Variants in WWOX observed in about 807,000 individuals in gnomAD.
WWOX encodes the protein WW domain-containing oxidoreductase.
A neutral mutation model predicts 46.2 loss-of-function variants in WWOX; 69 were observed. The ratio of observed to expected loss-of-function variants is 1.49; its 90% CI spans 1.23 to 1.82. The LOEUF is 1.82. WWOX is among the 40% of genes most tolerant of loss of function. The pLI is 0.00. For synonymous variants in WWOX, 359 were observed against 202.6 expected (o/e 1.77, Z -6.56); for missense variants, 919 against 542.6 (o/e 1.69, Z -6.89).
chr16:78,608,879 G>T (rs1188577643), intron 8 of WWOX, among the ~76,000 whole-genome samples: 1 of 152,056 alleles, frequency 6.6e-6, no homozygotes, highest in African/African-American at 2.4e-5. Context: ...TCCAAATCTG[G>T]GCACATGAAT....
rs546740620 is a variant in WWOX at position 78,795,352 on chromosome 16, T to G, written c.1056+362600T>G. On this transcript the variant is annotated intron_variant, in intron 8 of 8. Coordinates refer to ENST00000566780, the MANE Select transcript of WWOX (RefSeq NM_016373.4). The stretch of plus-strand genomic sequence containing the variant: ...TCCAACCCCCTGAAAGCTGACTCTT[T>G]AACACCATATGCTTCTGTCTTCCTG... Among the ~76,000 whole-genome samples the G allele has an allele frequency of 2.6e-5, 4 of 152,308 alleles. No homozygotes were observed. The South Asian group carries it at 8.3e-4, about 32-fold the overall frequency.
intron 8 of WWOX, among the ~76,000 whole-genome samples, chr16:78,445,163 G>C (rs1198697272): frequency 6.6e-6 from 1 of 152,126 alleles, no homozygotes; most frequent in East Asian, 1.9e-4. Flanking sequence ...GGTATAAGCT[G>C]TCCTAGAGTC....
chr16:78,514,759 T>A (rs2738742), intron 8 of WWOX, among the ~76,000 whole-genome samples: 138,519 of 152,264 alleles, frequency 0.91, 63,301 homozygotes, highest in Admixed American at 0.96. Context: ...ACACAGGCAT[T>A]GAAAATAGAT....
At chr16:78,863,606 A>C (rs2043940057) in intron 8 of WWOX, among the ~76,000 whole-genome samples, 1 of 152,090 alleles carries the variant, frequency 6.6e-6, no homozygotes, top group Admixed American at 6.6e-5. Context: ...TCCCAACCAT[A>C]AGCTGTATTC....
At chr16:78,847,384 A>G (rs2052326901) in intron 8 of WWOX, among the ~76,000 whole-genome samples, 2 of 152,208 alleles carry the variant, frequency 1.3e-5, no homozygotes, top group Non-Finnish European at 2.9e-5. Flanking sequence ...TTATTTGTTC[A>G]TATATTTATA....
intron 8 of WWOX, among the ~76,000 whole-genome samples, chr16:79,193,692 A>T (rs1336008145): frequency 6.6e-6 from 1 of 152,190 alleles, no homozygotes; most frequent in East Asian, 1.9e-4. Context: ...CCCAGGTGAG[A>T]TCCCACTGGT....
At chr16:78,422,014 C>A (rs2082945427) in intron 6 of WWOX, among the ~76,000 whole-genome samples, 1 of 152,030 alleles carries the variant, frequency 6.6e-6, no homozygotes, top group African/African-American at 2.4e-5. Context: ...AATAAATATG[C>A]TAATTTGATA....
chr16:78,911,564 C>T (rs1167439926), intron 8 of WWOX, among the ~76,000 whole-genome samples: 1 of 151,966 alleles, frequency 6.6e-6, no homozygotes, highest in Non-Finnish European at 1.5e-5. Context: ...TCCCCAGTGG[C>T]AATGTTGTAA....
intron 8 of WWOX, among the ~76,000 whole-genome samples, chr16:79,030,614 T>G (rs1477423878): frequency 1.3e-5 from 2 of 152,372 alleles, no homozygotes; most frequent in African/African-American, 4.8e-5. Context: ...CTCCAAAGAT[T>G]AGACACCCTT....
intron 5 of WWOX, among the ~76,000 whole-genome samples, chr16:78,370,852 T>G (rs1046888139): frequency 6.6e-6 from 1 of 151,672 alleles, no homozygotes; most frequent in Non-Finnish European, 1.5e-5. Flanking sequence ...TCTTGTTTGT[T>G]TTTGTTTTCT....
chr16:78,849,535 C>G (rs1196370655), intron 8 of WWOX, among the ~76,000 whole-genome samples: 1 of 139,154 alleles, frequency 7.2e-6, no homozygotes, highest in East Asian at 2.1e-4. Flanking sequence ...GATCGTGACA[C>G]TGCACTCCGG....
chr16:78,523,658 A>G (rs1043736079), intron 8 of WWOX, among the ~76,000 whole-genome samples: 20 of 152,336 alleles, frequency 1.3e-4, no homozygotes, highest in African/African-American at 4.1e-4. Flanking sequence ...AATGTGGTAC[A>G]GTGTGTGCTT....
intron 8 of WWOX, among the ~76,000 whole-genome samples, chr16:79,123,525 G>C (rs181754917): frequency 6.6e-6 from 1 of 152,172 alleles, no homozygotes; most frequent in African/African-American, 2.4e-5. Context: ...TAACAGTTCT[G>C]TGCCTGAGTA....
intron 8 of WWOX, among the ~76,000 whole-genome samples, chr16:79,181,388 G>A (rs1275712253): frequency 2.6e-5 from 4 of 152,016 alleles, no homozygotes; most frequent in South Asian, 2.1e-4. Context: ...TGTTGTTTTA[G>A]CCCTTATGAA....
Position 78,914,799 on chromosome 16 carries a change from A to C in WWOX, c.1057-296809A>C, listed in dbSNP as rs567224679. On this transcript the variant is annotated intron_variant, in intron 8 of 8. Transcript: ENST00000566780. ...GAGGCTGAGGCAGGAGAATGGCGTGAACCCAGGAGGCGGAGCTTGCAGTGA... is the reference window on the plus strand; with the variant it reads ...GAGGCTGAGGCAGGAGAATGGCGTGCACCCAGGAGGCGGAGCTTGCAGTGA... 6.9e-3 allele frequency among the ~76,000 whole-genome samples: 1,036 copies of C among 151,038 alleles called. 7 individuals carry two copies. The highest frequency in any genetic ancestry group is 0.024 in the African/African-American group (983 of 41,070).
intron 8 of WWOX, among the ~76,000 whole-genome samples, chr16:78,443,371 A>G (rs992675817): frequency 3.3e-5 from 5 of 152,152 alleles, no homozygotes; most frequent in East Asian, 1.9e-4. Context: ...AGATTACACA[A>G]TGCTCATCAG....
At chr16:79,200,487 A>C (rs953696110) in intron 8 of WWOX, among the ~76,000 whole-genome samples, 1 of 152,118 alleles carries the variant, frequency 6.6e-6, no homozygotes, top group Admixed American at 6.6e-5. Context: ...GCCGTGAGTT[A>C]CTTCACCTCC....
chr16:78,343,104 C>G lies in WWOX; in HGVS notation c.517-43756C>G, dbSNP rs1481826500. Among the ~76,000 whole-genome samples, 7 of 120,780 alleles carry G rather than the reference C, an allele frequency of 5.8e-5. 2 individuals are homozygous for G. The highest frequency in any genetic ancestry group is 1.2e-4 in the Non-Finnish European group (6 of 50,528). The allele number at this position is 120,780 out of a possible 152,430, so 79.2% of individuals were successfully genotyped here. A position where few individuals can be genotyped will look rare whatever the true frequency, so the allele number is the denominator to read the frequency against. On this transcript the variant is annotated intron_variant, in intron 5 of 8. Transcript: ENST00000566780. ...TGTTGGCTTGTTTTTCTTTTGTTTT[C>G]TTGTCAACATAAGCCTCATGAGACA...
intron 8 of WWOX, among the ~76,000 whole-genome samples, chr16:78,519,531 C>G (rs950122002): frequency 6.6e-6 from 1 of 151,760 alleles, no homozygotes; most frequent in Non-Finnish European, 1.5e-5. Context: ...TAGACATACA[C>G]AGATGCATAT....
Sources: gnomAD v4.1 joint callset for allele counts (sites outside exome capture counted in the v4.1 genomes callset) on GRCh38, gnomAD v4.1.1 for gene constraint, MANE v1.5 for transcripts, NCBI Gene and HGNC (gene_info 2026-07-23, HGNC 2026-07-21) for gene names.